Variants in CSMD1 observed in about 807,000 individuals in gnomAD.
CSMD1 encodes CUB and sushi domain-containing protein 1.
In CSMD1, 213 loss-of-function variants were observed where a neutral mutation model predicts 417.5. That is an observed-to-expected ratio of 0.51 (90% CI 0.46 to 0.57). CSMD1 has a LOEUF of 0.57. CSMD1 is among the 20% of genes least tolerant of loss of function. CSMD1 has a pLI of 0.00. For synonymous variants in CSMD1, 2,862 were observed against 1,736.8 expected (o/e 1.65, Z -16.11); for missense variants, 6,923 against 4,529.7 (o/e 1.53, Z -15.17).
At chr8:3,684,916 C>T (rs143841486) in intron 7 of CSMD1, among the ~76,000 whole-genome samples, 376 of 152,058 alleles carry the variant, frequency 2.5e-3, no homozygotes, top group African/African-American at 8.5e-3. Flanking sequence ...GTAATGATGC[C>T]GGGAAGCACT....
intron 3 of CSMD1, among the ~76,000 whole-genome samples, chr8:4,244,727 T>C (rs1041770859): frequency 5.3e-5 from 8 of 152,212 alleles, no homozygotes; most frequent in African/African-American, 1.7e-4. Flanking sequence ...GTTACCTCAA[T>C]GGAATAATTT....
chr8:3,123,054 G>A (rs1817298201), intron 41 of CSMD1, among the ~76,000 whole-genome samples: 1 of 152,178 alleles, frequency 6.6e-6, no homozygotes, highest in Admixed American at 6.5e-5. Flanking sequence ...CTACAGTGGC[G>A]TGTCCCTCAT....
intron 4 of CSMD1, among the ~76,000 whole-genome samples, chr8:4,002,281 G>A (rs534473811): frequency 6.6e-5 from 10 of 152,128 alleles, no homozygotes; most frequent in African/African-American, 2.2e-4. Flanking sequence ...GAAAGCACCT[G>A]CTATAGTGCT....
chr8:3,400,819 A>T (rs558040486), intron 15 of CSMD1, among the ~76,000 whole-genome samples: 5 of 151,038 alleles, frequency 3.3e-5, no homozygotes, highest in Admixed American at 6.6e-5. Flanking sequence ...ATATATATAT[A>T]TTTTTCCCAA....
intron 2 of CSMD1, among the ~76,000 whole-genome samples, chr8:4,485,712 A>T (rs1801341947): frequency 6.6e-6 from 1 of 152,158 alleles, no homozygotes; most frequent in African/African-American, 2.4e-5. Context: ...AAGAAATCCC[A>T]AAATAAGTAC....
chr8:3,388,076 C>G (rs147729822), intron 17 of CSMD1, among the ~76,000 whole-genome samples: 132 of 152,256 alleles, frequency 8.7e-4, no homozygotes, highest in African/African-American at 3.0e-3. Context: ...ATATGTACTT[C>G]TATATTTATA....
At chr8:4,053,214 C>G (rs1798524004) in intron 3 of CSMD1, among the ~76,000 whole-genome samples, 1 of 152,184 alleles carries the variant, frequency 6.6e-6, no homozygotes, top group South Asian at 2.1e-4. Flanking sequence ...ATTAAAAAGT[C>G]ACTAACAACA....
intron 7 of CSMD1, among the ~76,000 whole-genome samples, chr8:3,706,034 G>C (rs1801146743): frequency 6.6e-6 from 1 of 152,220 alleles, no homozygotes; most frequent in Non-Finnish European, 1.5e-5. Context: ...AGAGGAAACG[G>C]GGCTCATGGT....
chr8:3,395,813 T>C (rs781691071), intron 17 of CSMD1, among the ~76,000 whole-genome samples: 2 of 152,138 alleles, frequency 1.3e-5, no homozygotes, highest in Non-Finnish European at 2.9e-5. Flanking sequence ...CTAGCAAGGA[T>C]CCTTTTCTCC....
chr8:3,327,920 T>C (rs566443211), intron 23 of CSMD1, among the ~76,000 whole-genome samples: 13 of 152,250 alleles, frequency 8.5e-5, no homozygotes, highest in African/African-American at 3.1e-4. Context: ...TTGGGTCACC[T>C]TGAACTCTGT....
intron 6 of CSMD1, among the ~76,000 whole-genome samples, chr8:3,715,229 T>C (rs1801759198): frequency 6.6e-6 from 1 of 152,196 alleles, no homozygotes. Flanking sequence ...ATTAAATTTC[T>C]AAGTAAGCGT....
At chr8:3,385,023 TAA>T (rs1585086058) in intron 18 of CSMD1, among the ~76,000 whole-genome samples, 4 of 1,216 alleles carry the variant, frequency 3.3e-3, no homozygotes, top group South Asian at 0.17. Context: ...ATATAATATA[TAA>T]ATATAATATA....
intron 43 of CSMD1, 91 bp from the exon 44 acceptor site, chr8:3,108,839 T>A: frequency 6.4e-6 from 8 of 1,259,084 alleles, no homozygotes; most frequent in Non-Finnish European, 6.6e-6. Context: ...ATTTTTTTAA[T>A]AAAAGCAATA....
At chr8:3,675,990 T>G (rs1312480280) in intron 7 of CSMD1, among the ~76,000 whole-genome samples, 1 of 152,228 alleles carries the variant, frequency 6.6e-6, no homozygotes, top group Non-Finnish European at 1.5e-5. Flanking sequence ...TCAGAGACTC[T>G]GTAATAGTTT....
At chr8:4,368,876 A>T (rs1408888372) in intron 3 of CSMD1, among the ~76,000 whole-genome samples, 1 of 152,030 alleles carries the variant, frequency 6.6e-6, no homozygotes, top group Non-Finnish European at 1.5e-5. Context: ...ACAGTCTATC[A>T]ATCTTATTTA....
intron 11 of CSMD1, among the ~76,000 whole-genome samples, chr8:3,477,799 G>A (rs929684694): frequency 3.3e-5 from 5 of 152,092 alleles, no homozygotes; most frequent in Admixed American, 6.6e-5. Context: ...TGAGTTACAC[G>A]TTCTCCACCT....
rs531513247 is a variant in CSMD1, at chr8:3,523,086, C to A, written c.1345-29360G>T. Among the ~76,000 whole-genome samples the A allele has an allele frequency of 2.6e-5, 4 of 151,674 alleles. No homozygotes were observed. In the South Asian group the frequency reaches 8.3e-4, roughly 32 times the overall value. The stretch of plus-strand genomic sequence containing the variant: ...AAAAATTGAATTCAGGTCTCTAACT[C>A]CACATCCAATATTATAGTTACATCT... On this transcript the variant is annotated intron_variant, in intron 10 of 69. Transcript: ENST00000635120.
At chr8:4,679,622 T>G (rs993277259) in intron 1 of CSMD1, among the ~76,000 whole-genome samples, 1 of 152,166 alleles carries the variant, frequency 6.6e-6, no homozygotes, top group African/African-American at 2.4e-5. Context: ...TTAATGATAA[T>G]GTATCTACAA....
chr8:4,255,690 G>C (rs115239978), intron 3 of CSMD1, among the ~76,000 whole-genome samples: 7 of 152,174 alleles, frequency 4.6e-5, no homozygotes, highest in Non-Finnish European at 1.0e-4. Flanking sequence ...AGTTAAGGTA[G>C]TTGAATTATC....
Sources: allele counts gnomAD v4.1 joint callset (sites outside exome capture counted in the v4.1 genomes callset), GRCh38; gene constraint gnomAD v4.1.1; transcripts MANE v1.5; gene names NCBI Gene and HGNC (gene_info 2026-07-23, HGNC 2026-07-21).